Variants in SMARCD3 observed in about 807,000 individuals in gnomAD.
SMARCD3 encodes SWI/SNF related BAF chromatin remodeling complex subunit D3.
In SMARCD3, 14 loss-of-function variants were observed where a neutral mutation model predicts 58.0. The observed-to-expected ratio is 0.24, with a 90% CI of 0.16 to 0.38. The LOEUF (loss-of-function observed/expected upper bound fraction) is 0.38, where lower values mean the gene tolerates loss of function less well. SMARCD3 is among the 10% of genes least tolerant of loss of function. The pLI, the probability that SMARCD3 is intolerant of heterozygous loss-of-function variation, is 1.00. For synonymous variants in SMARCD3, 253 were observed against 253.8 expected (o/e 1.00, Z 0.03); for missense variants, 408 against 636.9 (o/e 0.64, Z 3.87).
At chr7:151,257,353 C>G (rs1345857343) in intron 2 of SMARCD3, among the ~76,000 whole-genome samples, 1 of 152,210 alleles carries the variant, frequency 6.6e-6, no homozygotes, top group African/African-American at 2.4e-5. Context: ...CCTGGCAGGG[C>G]CACCGGTAGC....
intron 2 of SMARCD3, among the ~76,000 whole-genome samples, chr7:151,254,858 T>C (rs893703015): frequency 2.0e-5 from 3 of 152,192 alleles, no homozygotes; most frequent in Admixed American, 6.5e-5. Flanking sequence ...ATCACTGCAT[T>C]CTGGGGTCTG....
chr7:151,269,636 C>A (rs943778280), intron 2 of SMARCD3, among the ~76,000 whole-genome samples: 1 of 151,894 alleles, frequency 6.6e-6, no homozygotes, highest in African/African-American at 2.4e-5. Flanking sequence ...GTGGCGTATG[C>A]GGGCAGCATG....
At chr7:151,248,771 CGCCGCGGCT>C, upstream of SMARCD3, 1 of 905,876 alleles carries the variant, frequency 1.1e-6, no homozygotes. The surrounding 1 kb of genome is among the most constrained non-coding windows in gnomAD (Gnocchi z 6.1). Context: ...CCGCCGCCGC[CGCCGCGGCT>C]GCCGCATTCC....
chr7:151,268,390 T>C (rs1795062551), intron 2 of SMARCD3, among the ~76,000 whole-genome samples: 1 of 152,152 alleles, frequency 6.6e-6, no homozygotes, highest in African/African-American at 2.4e-5. Flanking sequence ...CCCCATTCCC[T>C]ATTTTAGGGG....
intron 2 of SMARCD3, among the ~76,000 whole-genome samples, chr7:151,268,234 A>C (rs1795057608): frequency 6.6e-6 from 1 of 152,232 alleles, no homozygotes; most frequent in Non-Finnish European, 1.5e-5. Flanking sequence ...GAGATTTCAC[A>C]TCAAAGCCAG....
At position 151,239,567 on chromosome 7, in the gene SMARCD3, T is replaced by A; in HGVS notation, c.1296+57A>T. On this transcript the variant is annotated intron_variant, in intron 11 of 12. Coordinates refer to ENST00000262188, the MANE Select transcript of SMARCD3 (RefSeq NM_001003801.2). The surrounding 1 kb of genome is among the most constrained non-coding windows in gnomAD (Gnocchi z 7.0). The stretch of plus-strand genomic sequence containing the variant: ...CCTGCCCCTGGAGTACAACGTTTAC[T>A]CTCTTTCCCGCTGTGCTTGTCTTCC... 1 of 1,612,662 alleles carries A rather than the reference T, an allele frequency of 6.2e-7. No homozygotes were observed. Among genetic ancestry groups the A allele is most frequent in the South Asian group, 1.1e-5 (1 of 91,054 alleles).
upstream of SMARCD3, among the ~76,000 whole-genome samples, chr7:151,251,170 T>G (rs533283995): frequency 1.3e-5 from 2 of 152,150 alleles, no homozygotes; most frequent in East Asian, 1.9e-4. Flanking sequence ...CGGGAGGTAG[T>G]TAGACGAGGG....
intron 2 of SMARCD3, among the ~76,000 whole-genome samples, chr7:151,258,757 C>T (rs570462408): frequency 6.6e-6 from 1 of 152,074 alleles, no homozygotes; most frequent in East Asian, 1.9e-4. Context: ...GCCACCTTCT[C>T]TCTGCCCTGG....
rs373296922 is a variant in SMARCD3, at chr7:151,272,773, A to G, written c.39+2341T>C. 9.1e-4 allele frequency among the ~76,000 whole-genome samples: 139 copies of G among 152,280 alleles called. 1 individual carries two copies. Among genetic ancestry groups the G allele is most frequent in the African/African-American group, 3.1e-3 (127 of 41,570 alleles). On this transcript the variant is annotated intron_variant, in intron 2 of 13. Transcript: ENST00000356800. Reference sequence around the variant, plus strand: ...CCCACACCCCTCATTAGCAAGGAGCACAGGGGGACACAGCAATGGTCCCTA... The same window carrying G: ...CCCACACCCCTCATTAGCAAGGAGCGCAGGGGGACACAGCAATGGTCCCTA...
intron 1 of SMARCD3, among the ~76,000 whole-genome samples, chr7:151,247,940 C>T (rs1343491028): frequency 1.3e-5 from 2 of 152,212 alleles, no homozygotes; most frequent in African/African-American, 4.8e-5. Context: ...GAGCGGTCCT[C>T]TCCCCCACCC....
chr7:151,249,832 G>A (rs776221987), upstream of SMARCD3, among the ~76,000 whole-genome samples: 1 of 152,018 alleles, frequency 6.6e-6, no homozygotes, highest in East Asian at 1.9e-4. This position sits in a 1 kb window ranked among gnomAD's most constrained non-coding sequence, Gnocchi z 4.8. Context: ...CTGGAGTGGA[G>A]GAGGGACCGG....
At position 151,239,530 on chromosome 7, in the gene SMARCD3, T is replaced by C. The variant is rs1216902300; in HGVS notation, c.1297-33A>G. 3.1e-6 allele frequency: 5 copies of C among 1,608,788 alleles called. No homozygotes were observed. Among genetic ancestry groups the C allele is most frequent in the Non-Finnish European group, 4.3e-6 (5 of 1,175,660 alleles). On this transcript the variant is annotated intron_variant, in intron 11 of 12. Transcript: ENST00000262188. The surrounding 1 kb of genome is among the most constrained non-coding windows in gnomAD (Gnocchi z 7.0). ...GGAGCGTGGGGTGAGCCCTGAGCCCTGAATCCCCTCACCTGCCCCTGGAGT... is the reference window on the plus strand; with the variant it reads ...GGAGCGTGGGGTGAGCCCTGAGCCCCGAATCCCCTCACCTGCCCCTGGAGT...
In SMARCD3 at chr7:151,246,802, T is replaced by G. The variant is rs918037270; in HGVS notation, c.79-1131A>C. Among the ~76,000 whole-genome samples, 1 of 152,066 alleles carries G rather than the reference T, an allele frequency of 6.6e-6. No individual in the cohort carries two copies. The highest frequency in any genetic ancestry group is 1.5e-5 in the Non-Finnish European group (1 of 67,998). Reference sequence around the variant, plus strand: ...GGAGATGGGGAGGGCCAGAGAGAGTTTCAGGGGCTGTGAAACAGAAAGAGC... The same window carrying G: ...GGAGATGGGGAGGGCCAGAGAGAGTGTCAGGGGCTGTGAAACAGAAAGAGC... On this transcript the variant is annotated intron_variant, in intron 1 of 12. Transcript: ENST00000262188. This position sits in a 1 kb window ranked among gnomAD's most constrained non-coding sequence, Gnocchi z 4.4.
chr7:151,275,046 G>C, intron 2 of SMARCD3: 1 of 1,330,294 alleles, frequency 7.5e-7, no homozygotes, highest in Non-Finnish European at 1.1e-6. Flanking sequence ...CAGGAGCCGA[G>C]GGCTGGCCGA....
chr7:151,240,339 A>G (rs1802913042), intron 9 of SMARCD3, 86 bp downstream of exon 9: 2 of 1,599,062 alleles, frequency 1.3e-6, no homozygotes, highest in African/African-American at 2.7e-5. Flanking sequence ...GAGGGAGAAG[A>G]GATGGGAGTG....
Position 151,245,497 on chromosome 7 carries a change from C to T in SMARCD3, c.253G>A (p.Gly85Ser). The T allele has an allele frequency of 9.8e-6, 12 of 1,225,690 alleles. No individual in the cohort carries two copies. The highest frequency in any genetic ancestry group is 8.2e-5 in the South Asian group (2 of 24,270). The allele number at this position is 1,225,690 out of a possible 1,614,324, so 75.9% of individuals were successfully genotyped here. ...GCGGGGGCGGTGGGCACCGGCTGGCCCTGGCTCTGTGCCTGGCTCTGCCCG... is the reference window on the plus strand; with the variant it reads ...GCGGGGGCGGTGGGCACCGGCTGGCTCTGGCTCTGTGCCTGGCTCTGCCCG... ...PPGQSQAQSQ[G>S]QPVPTAPARS... The change falls in exon 2 of 13, where the codon GGC becomes AGC. Residue 85 changes from glycine to serine, a missense_variant. Transcript: ENST00000262188. The surrounding 1 kb of genome is among the most constrained non-coding windows in gnomAD (Gnocchi z 6.2).
chr7:151,240,032 A>T, intron 10 of SMARCD3, 80 bp downstream of exon 10: 1 of 1,483,314 alleles, frequency 6.7e-7, no homozygotes, highest in Middle Eastern at 1.8e-4. Flanking sequence ...GCTCATCTGC[A>T]ACCACACCCT....
At chr7:151,268,936 A>G (rs1795076000) in intron 2 of SMARCD3, among the ~76,000 whole-genome samples, 1 of 152,100 alleles carries the variant, frequency 6.6e-6, no homozygotes. Flanking sequence ...AAAGCCCACA[A>G]TGATCCCTCA....
At chr7:151,272,318 T>C (rs1369772772) in intron 2 of SMARCD3, among the ~76,000 whole-genome samples, 4 of 152,152 alleles carry the variant, frequency 2.6e-5, no homozygotes, top group Non-Finnish European at 5.9e-5. Context: ...TTTGGTGCAG[T>C]AGCCACATCC....
Sources: allele counts gnomAD v4.1 joint callset (sites outside exome capture counted in the v4.1 genomes callset), GRCh38; gene constraint gnomAD v4.1.1; non-coding constraint Gnocchi (gnomAD v3.1); transcripts MANE v1.5; gene names NCBI Gene and HGNC (gene_info 2026-07-23, HGNC 2026-07-21).